The following RHOT2 variants were observed in gnomAD, a reference collection of about 807,000 sequenced individuals.
The protein encoded by RHOT2 is mitochondrial Rho GTPase 2.
Under a neutral mutation model 81.6 loss-of-function variants are expected in RHOT2, and 90 were observed. The ratio of observed to expected loss-of-function variants is 1.10; its 90% CI spans 0.93 to 1.31. The LOEUF (loss-of-function observed/expected upper bound fraction) is 1.31, where lower values mean the gene tolerates loss of function less well. Ranked by LOEUF, RHOT2 falls within the 40% of genes most tolerant of loss-of-function variation. The pLI is 0.00. For missense variants in RHOT2, 1,014 were observed against 841.9 expected, an observed-to-expected ratio of 1.20 and a Z score of -2.53; for synonymous variants, 512 against 370.9, an observed-to-expected ratio of 1.38 and a Z score of -4.37.
rs770952300 is a variant in RHOT2 at position 672,292 on chromosome 16, A to G, written c.1234A>G (p.Thr412Ala). Residue 412 changes from threonine (T) to alanine (A), a missense_variant, in exon 15 of 19, where the codon ACG (threonine) becomes GCG (alanine). By Grantham distance (58) the Thr-to-Ala change is moderately conservative. Transcript: ENST00000315082. ...GAGGCTGGACCAGGAGAAGGGACAG[A>G]CGCAGCGGAGCGTCCTCCTGTGCAA... ...EKRLDQEKGQ[T>A]QRSVLLCKVV... 167 of 1,612,178 alleles carry G rather than the reference A, an allele frequency of 1.0e-4. 3 individuals are homozygous for G. In the South Asian group the frequency reaches 1.7e-3, roughly 17 times the overall value.
rs988283485 is a variant in RHOT2 at position 669,536 on chromosome 16, C to T, written c.223-17C>T. On this transcript the variant is annotated splice_polypyrimidine_tract_variant and intron_variant, in intron 4 of 18. Coordinates refer to ENST00000315082, the MANE Select transcript of RHOT2 (RefSeq NM_138769.3). ...GCCAGCAGCCCTGTCACCCACACCT[C>T]ATCACTGTTCCCTCAGGCAAACGTG... 3.1e-6 allele frequency: 5 copies of T among 1,610,880 alleles called. No individual in the cohort carries two copies. The highest frequency in any genetic ancestry group is 1.3e-5 in the African/African-American group (1 of 74,918).
intron 8 of RHOT2, 51 bp downstream of exon 8, chr16:670,608 T>C (rs747807925): frequency 6.3e-7 from 1 of 1,597,244 alleles, no homozygotes; most frequent in South Asian, 1.1e-5. Context: ...GCCCAGGGGG[T>C]GCTGGGTGGG....
intron 4 of RHOT2, 184 bp downstream of exon 4, chr16:668,883 C>T (rs765840928): frequency 6.0e-5 from 35 of 583,766 alleles, no homozygotes; most frequent in Non-Finnish European, 9.6e-5. Context: ...CCGCTCAGTC[C>T]AGTGGTGCTC....
intron 7 of RHOT2, 33 bp from the exon 8 acceptor site, chr16:670,423 G>A (rs751073581): frequency 5.6e-6 from 9 of 1,607,808 alleles, no homozygotes; most frequent in Non-Finnish European, 7.6e-6. Flanking sequence ...CCCTCCTCGG[G>A]GCACTTCCCT....
In RHOT2 at chr16:672,376, G is replaced by A. The variant is rs139982680; in HGVS notation, c.1318G>A (p.Gly440Ser). 73 of 1,609,936 alleles carry A rather than the reference G, an allele frequency of 4.5e-5. No individual in the cohort carries two copies. Among genetic ancestry groups the A allele is most frequent in the Admixed American group, 6.7e-5 (4 of 59,790 alleles). Reference protein sequence around the residue: ...SAFLQAFLGRGLGHQDTREQP... With the variant: ...SAFLQAFLGRSLGHQDTREQP... ...CTTCCTGCAGGCCTTTCTCGGCCGC[G>A]GCCTGGGGGTAAGCACCCTAGACTC... The change falls in exon 15 of 19, where the codon GGC becomes AGC. Residue 440 changes from glycine to serine, a missense_variant. Physicochemically the swap from Gly to Ser is moderately conservative, Grantham distance 56. Transcript: ENST00000315082.
chr16:673,153 C>G lies in RHOT2; in HGVS notation c.1730+23C>G, dbSNP rs766553773. ...CCCGTGGGTACCCAGTAGCGCAGCCCTGGGGACTAGCAGTGTCTGTCATCC... is the reference window on the plus strand; with the variant it reads ...CCCGTGGGTACCCAGTAGCGCAGCCGTGGGGACTAGCAGTGTCTGTCATCC... On this transcript the variant is annotated intron_variant, in intron 18 of 18. Coordinates refer to ENST00000315082, the MANE Select transcript of RHOT2 (RefSeq NM_138769.3). 2.5e-6 allele frequency: 4 copies of G among 1,605,862 alleles called. No homozygotes were observed. In the South Asian group the frequency reaches 4.4e-5, roughly 18 times the overall value.
intron 4 of RHOT2, 59 bp from the exon 5 acceptor site, chr16:669,494 A>C (rs1176793049): frequency 6.4e-7 from 1 of 1,572,066 alleles, no homozygotes; most frequent in Non-Finnish European, 8.7e-7. Context: ...TGGAACGGCC[A>C]GGGTCGTCGG....
intron 18 of RHOT2, 149 bp from the exon 19 acceptor site, chr16:673,331 T>A: frequency 7.7e-7 from 1 of 1,304,322 alleles, no homozygotes; most frequent in East Asian, 2.3e-5. Context: ...CCCAGGCATG[T>A]CCCTCCAGGG....
chr16:673,456 G>A (rs753944313), intron 18 of RHOT2, 24 bp from the exon 19 acceptor site: 1 of 1,612,406 alleles, frequency 6.2e-7, no homozygotes, highest in Non-Finnish European at 8.5e-7. Flanking sequence ...TGAGGTATCT[G>A]CAGATGATTC....
At position 671,974 on chromosome 16, in the gene RHOT2, C is replaced by T. The variant is rs1458937165; in HGVS notation, c.1069C>T (p.Pro357Ser). ...RTVRTEAGRL[P>S]LHGYLCQWTL... is the part of the protein sequence containing the mutation. Reference sequence around the variant, plus strand: ...AGTCCGCACAGAGGCCGGCCGGTTGCCCCTGCACGGATACCTCTGCCAGTG... The same window carrying T: ...AGTCCGCACAGAGGCCGGCCGGTTGTCCCTGCACGGATACCTCTGCCAGTG... Residue 357 changes from proline (P) to serine (S), a missense_variant, in exon 13 of 19, where the codon CCC becomes TCC. Coordinates refer to ENST00000315082, the MANE Select transcript of RHOT2 (RefSeq NM_138769.3). 1.2e-6 allele frequency: 2 copies of T among 1,612,152 alleles called. No individual in the cohort carries two copies. The highest frequency in any genetic ancestry group is 2.2e-5 in the East Asian group (1 of 44,874).
rs143816083 is a variant in RHOT2 at position 673,544 on chromosome 16, G to T, written c.1795G>T (p.Gly599Trp). The T allele has an allele frequency of 1.6e-5, 26 of 1,612,358 alleles. No individual in the cohort carries two copies. Among genetic ancestry groups the T allele is most frequent in the Non-Finnish European group, 2.0e-5 (24 of 1,179,904 alleles). The change falls in exon 19 of 19, where the codon GGG becomes TGG. Residue 599 changes from glycine to tryptophan, a missense_variant. Coordinates refer to ENST00000315082, the MANE Select transcript of RHOT2 (RefSeq NM_138769.3). The stretch of plus-strand genomic sequence containing the variant: ...GCTCCGGGGGCTGCTGGGGGTTGTC[G>T]GGGCCGCCGTGGCCGCAGTCCTCAG... ...FWLRGLLGVV[G>W]AAVAAVLSFS...
At position 668,696 on chromosome 16, in the gene RHOT2, C is replaced by T. The variant is rs1473058065; in HGVS notation, c.219C>T (p.His73=). ...ACGAGGAGCTGCGGGAGGAGATCCA[C>T]AAGGTACCCGTGGTGCGCGGGACGA... The part of the protein sequence containing the change: ...QTDEELREEI[H]KANVVCVVYD... The change falls in exon 4 of 19, where the codon CAC becomes CAT. Residue 73 remains histidine, a synonymous_variant. Transcript: ENST00000315082. 10 of 1,600,730 alleles carry T rather than the reference C, an allele frequency of 6.2e-6. No homozygotes were observed. In the Admixed American group the frequency reaches 1.2e-4, roughly 19 times the overall value.
chr16:672,289 C>T lies in RHOT2; in HGVS notation c.1231C>T (p.Gln411Ter), dbSNP rs747125402. ...GAAGAGGCTGGACCAGGAGAAGGGACAGACGCAGCGGAGCGTCCTCCTGTG... is the reference window on the plus strand; with the variant it reads ...GAAGAGGCTGGACCAGGAGAAGGGATAGACGCAGCGGAGCGTCCTCCTGTG... ...REKRLDQEKG[Q>*]TQRSVLLCKV... The change falls in exon 15 of 19, where the codon CAG becomes TAG. Residue 411 changes from glutamine to a stop codon, truncating the protein, a stop_gained. Coordinates refer to ENST00000315082, the MANE Select transcript of RHOT2 (RefSeq NM_138769.3). LOFTEE classifies it high-confidence loss of function. 23 of 1,612,088 alleles carry T rather than the reference C, an allele frequency of 1.4e-5. No individual in the cohort carries two copies. Among genetic ancestry groups the T allele is most frequent in the Non-Finnish European group, 1.8e-5 (21 of 1,179,606 alleles).
Position 672,302 on chromosome 16 carries a change from G to A in RHOT2, c.1244G>A (p.Ser415Asn). 1.2e-6 allele frequency: 2 copies of A among 1,612,402 alleles called. No homozygotes were observed. The highest frequency in any genetic ancestry group is 2.7e-5 in the African/African-American group (2 of 75,056). ...CAGGAGAAGGGACAGACGCAGCGGA[G>A]CGTCCTCCTGTGCAAGGTGGTAGGG... ...LDQEKGQTQR[S>N]VLLCKVVGAR... The change falls in exon 15 of 19, where the codon AGC (serine) becomes AAC (asparagine). Residue 415 changes from serine (S) to asparagine (N), a missense_variant. Transcript: ENST00000315082.
chr16:670,077 T>A, intron 5 of RHOT2, 46 bp from the exon 6 acceptor site: 1 of 1,512,146 alleles, frequency 6.6e-7, no homozygotes, highest in Non-Finnish European at 8.9e-7. Context: ...CTGGGAGCCA[T>A]GTGCCCGCGG....
chr16:673,492 C>G lies in RHOT2; in HGVS notation c.1743C>G (p.His581Gln). 6.2e-7 allele frequency: 1 copy of G among 1,612,642 alleles called. No individual in the cohort carries two copies. The change falls in exon 19 of 19, where the codon CAC becomes CAG. Residue 581 changes from histidine (H) to glutamine (Q), a missense_variant. Coordinates refer to ENST00000315082, the MANE Select transcript of RHOT2 (RefSeq NM_138769.3). Reference sequence around the variant, plus strand: ...TTCTCTCTTGCAGACATTTGGTCCACGCAGAGCTGCATCCCTCTTCCTTCT... The same window carrying G: ...TTCTCTCTTGCAGACATTTGGTCCAGGCAGAGCTGCATCCCTCTTCCTTCT... ...ATMAAFPHLV[H>Q]AELHPSSFWL...
intron 16 of RHOT2, 42 bp downstream of exon 16, chr16:672,608 C>A: frequency 6.2e-7 from 1 of 1,610,406 alleles, no homozygotes; most frequent in South Asian, 1.1e-5. Context: ...AGGGTGGACC[C>A]GGGGACACCC....
At position 669,625 on chromosome 16, in the gene RHOT2, C is replaced by A. The variant is rs560593409; in HGVS notation, c.276+19C>A. On this transcript the variant is annotated intron_variant, in intron 5 of 18. Coordinates refer to ENST00000315082, the MANE Select transcript of RHOT2 (RefSeq NM_138769.3). ...TGAGAAGGTGAGCCCTCAGTGCAGA[C>A]CCCAACAGCAGAGACACAGTGGCCG... The A allele has an allele frequency of 2.3e-5, 37 of 1,610,396 alleles. No homozygotes were observed. In the South Asian group the frequency reaches 3.5e-4, roughly 15 times the overall value.
chr16:671,425 C>T, intron 11 of RHOT2: 1 of 711,170 alleles, frequency 1.4e-6, no homozygotes, highest in South Asian at 2.1e-5. Flanking sequence ...GGGGGGCTGG[C>T]CCTTTGCCAA....
Sources: allele counts gnomAD v4.1 joint callset, GRCh38; gene constraint gnomAD v4.1.1; transcripts MANE v1.5; gene names NCBI Gene and HGNC (gene_info 2026-07-23, HGNC 2026-07-21).